HUNK: variants seen among roughly 807,000 people sequenced by gnomAD.
HUNK encodes hormonally up-regulated Neu-associated kinase, also known as hormonally up-regulated neu tumor-associated kinase.
In HUNK, 21 loss-of-function variants were observed where a neutral mutation model predicts 61.0. That is an observed-to-expected ratio of 0.34 (90% CI 0.24 to 0.50). HUNK has a LOEUF of 0.50. Among genes scored for constraint, HUNK ranks in the 20% least tolerant of loss-of-function variants. The pLI, the probability that HUNK is intolerant of heterozygous loss-of-function variation, is 0.98. For missense variants in HUNK, 772 were observed against 945.7 expected, an observed-to-expected ratio of 0.82 and a Z score of 2.41; for synonymous variants, 371 against 386.1, an observed-to-expected ratio of 0.96 and a Z score of 0.46.
chr21:31,877,966 G>T (rs1350329300), intron 1 of HUNK, among the ~76,000 whole-genome samples: 3 of 151,860 alleles, frequency 2.0e-5, no homozygotes, highest in Non-Finnish European at 2.9e-5. Context: ...TTGAAGTGAG[G>T]TCCAGAAACA....
chr21:31,942,083 G>A (rs1029896430), intron 3 of HUNK, among the ~76,000 whole-genome samples: 18 of 152,150 alleles, frequency 1.2e-4, no homozygotes, highest in Non-Finnish European at 1.2e-4. Context: ...GGTAGCGTGC[G>A]CCTATAATCC....
At chr21:31,899,391 G>A (rs1187161307) in intron 1 of HUNK, among the ~76,000 whole-genome samples, 1 of 152,086 alleles carries the variant, frequency 6.6e-6, no homozygotes, top group Non-Finnish European at 1.5e-5. Flanking sequence ...GCTTGTAGAT[G>A]CCTCACTCCA....
chr21:31,925,184 A>G (rs544602103), intron 2 of HUNK, among the ~76,000 whole-genome samples: 1 of 152,340 alleles, frequency 6.6e-6, no homozygotes, highest in African/African-American at 2.4e-5. Flanking sequence ...GAGGGTTAAA[A>G]GAGTAGAATC....
intron 1 of HUNK, among the ~76,000 whole-genome samples, chr21:31,923,513 GGGAA>G (rs1272364327): frequency 6.8e-6 from 1 of 146,346 alleles, no homozygotes; most frequent in African/African-American, 2.5e-5. Context: ...GAGGGAGAGA[GGGAA>G]GGAGGGAGGA....
chr21:31,914,943 T>A (rs1017738483), intron 1 of HUNK, among the ~76,000 whole-genome samples: 6 of 152,248 alleles, frequency 3.9e-5, no homozygotes, highest in African/African-American at 7.2e-5. Context: ...TGACAAAGAA[T>A]CTGAATTATC....
At chr21:31,910,110 A>G (rs1294955640) in intron 1 of HUNK, among the ~76,000 whole-genome samples, 2 of 152,226 alleles carry the variant, frequency 1.3e-5, no homozygotes, top group Non-Finnish European at 2.9e-5. Flanking sequence ...AATAACCATC[A>G]TAAAGGTTTC....
chr21:31,942,179 C>T (rs2052773500), intron 3 of HUNK, among the ~76,000 whole-genome samples: 1 of 152,366 alleles, frequency 6.6e-6, no homozygotes, highest in South Asian at 2.1e-4. Flanking sequence ...CACTGCACTC[C>T]AGCCTGGGCG....
chr21:31,895,827 G>C (rs558953124), intron 1 of HUNK, among the ~76,000 whole-genome samples: 38 of 152,320 alleles, frequency 2.5e-4, no homozygotes, highest in African/African-American at 8.9e-4. Context: ...AACCTGACAA[G>C]TCTTGTATCT....
At chr21:31,962,703 G>A (rs1368086330) in intron 5 of HUNK, among the ~76,000 whole-genome samples, 2 of 152,202 alleles carry the variant, frequency 1.3e-5, no homozygotes, top group Non-Finnish European at 1.5e-5. Context: ...TTTCTAATTA[G>A]GGAATCTGAT....
intron 1 of HUNK, among the ~76,000 whole-genome samples, chr21:31,921,717 C>G (rs553079308): frequency 6.6e-6 from 1 of 152,284 alleles, no homozygotes. Context: ...ACATCCATGC[C>G]TTAGTTCACC....
rs11446165 is a variant in HUNK, at chr21:32,001,118, CA to C, written c.*1943del. 3.3e-5 allele frequency: 5 copies of C among 152,992 alleles called. No individual in the cohort carries two copies. Among genetic ancestry groups the C allele is most frequent in the Non-Finnish European group, 5.7e-5 (4 of 70,000 alleles). The allele number at this position is 152,992 out of a possible 1,614,324, so 9.5% of individuals were successfully genotyped here. ...GAAAGCCCGTCTCTACCGAAAAATA[CA>C]AAAAAAAATAGCTGGGTGTGGTGGT... On this transcript the variant is annotated 3_prime_UTR_variant, in exon 11 of 11. Transcript: ENST00000270112.
In HUNK at chr21:31,993,282, G is replaced by A. The variant is rs540142792; in HGVS notation, c.1306-2486G>A. Among the ~76,000 whole-genome samples the A allele has an allele frequency of 1.9e-3, 291 of 152,192 alleles. 1 individual carries two copies. The highest frequency in any genetic ancestry group is 6.8e-3 in the Middle Eastern group (2 of 294). On this transcript the variant is annotated intron_variant, in intron 9 of 10. Transcript: ENST00000270112. ...CCTAACTGGGTGGCGATACTGGTCC[G>A]CAGAAGTTTTGCATCTTGATTGTTA...
chr21:31,898,498 G>A (rs557332349), intron 1 of HUNK, among the ~76,000 whole-genome samples: 15 of 152,180 alleles, frequency 9.9e-5, no homozygotes, highest in East Asian at 9.7e-4. Flanking sequence ...AACTCCTGGC[G>A]TCAAGTGATC....
At chr21:31,976,459 C>CATT (rs71320216) in intron 7 of HUNK, among the ~76,000 whole-genome samples, 1 of 63,610 alleles carries the variant, frequency 1.6e-5, no homozygotes, top group Non-Finnish European at 2.8e-5. Context: ...TTTTTTGAGA[C>CATT]TTTTTTTTTT....
intron 4 of HUNK, among the ~76,000 whole-genome samples, chr21:31,948,432 G>T (rs928096775): frequency 6.6e-6 from 1 of 152,188 alleles, no homozygotes; most frequent in Non-Finnish European, 1.5e-5. Flanking sequence ...GGCTGGCTTT[G>T]AGGCCCTCCC....
Position 31,906,207 on chromosome 21 carries a change from C to T in HUNK, c.262-18261C>T, listed in dbSNP as rs186245659. ...CACTTTCCATTATTTACCTTGGCCA[C>T]CATTATTATCCCCGGCTTACTGATG... On this transcript the variant is annotated intron_variant, in intron 1 of 10. Coordinates refer to ENST00000270112, the MANE Select transcript of HUNK (RefSeq NM_014586.2). Among the ~76,000 whole-genome samples, 814 of 152,246 alleles carry T rather than the reference C, an allele frequency of 5.3e-3. 15 individuals carry two copies. The highest frequency in any genetic ancestry group is 5.2e-3 in the Non-Finnish European group (354 of 68,014).
At chr21:31,925,482 T>C (rs939010583) in intron 2 of HUNK, among the ~76,000 whole-genome samples, 1 of 152,244 alleles carries the variant, frequency 6.6e-6, no homozygotes, top group Non-Finnish European at 1.5e-5. Flanking sequence ...AGTGTTAAAA[T>C]GGCATGAGAT....
At chr21:31,891,306 G>A (rs1005769594) in intron 1 of HUNK, among the ~76,000 whole-genome samples, 4 of 152,266 alleles carry the variant, frequency 2.6e-5, no homozygotes, top group African/African-American at 9.6e-5. Context: ...GAACCCAGGA[G>A]GCGGAGGTTG....
chr21:31,880,971 A>G (rs1030320533), intron 1 of HUNK, among the ~76,000 whole-genome samples: 6 of 152,228 alleles, frequency 3.9e-5, no homozygotes, highest in Admixed American at 3.3e-4. Context: ...AGAGCTGACC[A>G]ACTTGGGTTG....
Sources: gnomAD v4.1 joint callset for allele counts (sites outside exome capture counted in the v4.1 genomes callset) on GRCh38, gnomAD v4.1.1 for gene constraint, MANE v1.5 for transcripts, NCBI Gene and HGNC (gene_info 2026-07-23, HGNC 2026-07-21) for gene names.